RHBDD1: variants seen among roughly 807,000 people sequenced by gnomAD.
The protein encoded by RHBDD1 is rhomboid domain containing 1, also known as rhomboid-related protein 4.
RHBDD1 carries 38 observed loss-of-function variants against 36.3 expected under a neutral mutation model. That is an observed-to-expected ratio of 1.05 (90% CI 0.81 to 1.37). The LOEUF is 1.37. RHBDD1 is among the 40% of genes most tolerant of loss of function. RHBDD1 has a pLI of 0.00. For missense variants in RHBDD1, 393 were observed against 377.6 expected (o/e 1.04, Z -0.34); for synonymous variants, 151 against 136.5 (o/e 1.11, Z -0.74).
chr2:226,914,305 A>G lies in RHBDD1; in HGVS notation c.810A>G (p.Glu270=). Residue 270 remains glutamate (E), a synonymous_variant, in exon 8 of 9, where the codon GAA becomes GAG. Transcript: ENST00000392062. ...NYDTYTAGLS[E]EEQLERALQA... is the part of the protein sequence containing the mutation. The stretch of plus-strand genomic sequence containing the variant: ...ACACGTACACAGCAGGACTGAGTGA[A>G]GAAGAACAGCTCGAGAGAGCATTAC... 2 of 1,613,772 alleles carry G rather than the reference A, an allele frequency of 1.2e-6. No individual in the cohort carries two copies. Among genetic ancestry groups the G allele is most frequent in the Non-Finnish European group, 1.7e-6 (2 of 1,179,798 alleles).
chr2:226,908,620 C>CACACACACAT (rs1948255935), intron 6 of RHBDD1: 1 of 560,310 alleles, frequency 1.8e-6, no homozygotes, highest in African/African-American at 2.1e-5. Flanking sequence ...CACACACACA[C>CACACACACAT]ATTCTTTTCC....
chr2:226,823,807 G>A, the RHBDD1 span, among the ~76,000 whole-genome samples: 1 of 152,170 alleles, frequency 6.6e-6, no homozygotes, highest in South Asian at 2.1e-4. Flanking sequence ...TAAATCTTCT[G>A]ATGGCCTTCG....
At chr2:226,991,196 T>G (rs1958111900) in intron 8 of RHBDD1, among the ~76,000 whole-genome samples, 1 of 152,204 alleles carries the variant, frequency 6.6e-6, no homozygotes, top group African/African-American at 2.4e-5. Flanking sequence ...TATATCTCTT[T>G]TTTGAGACAG....
At chr2:226,907,153 A>AAAACCACG (rs1667268839) in intron 6 of RHBDD1, 3 of 513,412 alleles carry the variant, frequency 5.8e-6, no homozygotes, top group Middle Eastern at 2.9e-4. Context: ...CTACCCGCAG[A>AAAACCACG]AAACCACGAT....
intron 5 of RHBDD1, among the ~76,000 whole-genome samples, chr2:226,874,038 G>A (rs1481678343): frequency 6.6e-6 from 1 of 152,058 alleles, no homozygotes; most frequent in Non-Finnish European, 1.5e-5. Context: ...GAGAGCACAG[G>A]GGAAGTACCA....
the RHBDD1 span, among the ~76,000 whole-genome samples, chr2:226,801,345 A>AG: frequency 6.6e-6 from 1 of 152,146 alleles, no homozygotes; most frequent in African/African-American, 2.4e-5. Flanking sequence ...AGAAGGGTTG[A>AG]GGGTACCAAG....
chr2:226,897,352 T>G (rs1185082996), intron 5 of RHBDD1, among the ~76,000 whole-genome samples: 1 of 152,128 alleles, frequency 6.6e-6, no homozygotes, highest in Non-Finnish European at 1.5e-5. Context: ...ATCTGTCTCC[T>G]CCACTCTAGA....
chr2:226,901,398 C>T (rs905473837), intron 5 of RHBDD1, among the ~76,000 whole-genome samples: 2 of 152,232 alleles, frequency 1.3e-5, no homozygotes, highest in East Asian at 1.9e-4. Flanking sequence ...GGTATATATG[C>T]AGAAGTAGAA....
chr2:226,905,633 T>G (rs1947993530), intron 5 of RHBDD1, among the ~76,000 whole-genome samples: 1 of 152,234 alleles, frequency 6.6e-6, no homozygotes, highest in African/African-American at 2.4e-5. Flanking sequence ...GTGTGTGGGA[T>G]GCACTGGAGA....
rs183530605 is a variant in RHBDD1 at position 226,960,648 on chromosome 2, A to C, written c.857-34783A>C. On this transcript the variant is annotated intron_variant, in intron 8 of 8. Transcript: ENST00000392062. ...AGGGGTTATCAACTTATTTTATTAG[A>C]TGTCTAATTCTGTAAATGAATATAT... 3.4e-3 allele frequency among the ~76,000 whole-genome samples: 516 copies of C among 152,318 alleles called. 2 individuals carry two copies. Among genetic ancestry groups the C allele is most frequent in the Middle Eastern group, 0.031 (9 of 294 alleles).
intron 5 of RHBDD1, among the ~76,000 whole-genome samples, chr2:226,876,020 A>T (rs1209424465): frequency 6.6e-6 from 1 of 152,210 alleles, no homozygotes; most frequent in Non-Finnish European, 1.5e-5. Flanking sequence ...TAGCACTGGC[A>T]TGCAGCAATG....
chr2:226,829,716 CTTA>C, the RHBDD1 span, among the ~76,000 whole-genome samples: 1 of 151,868 alleles, frequency 6.6e-6, no homozygotes, highest in Non-Finnish European at 1.5e-5. Context: ...CTGTGCTAAA[CTTA>C]TTAATTTTAG....
At chr2:226,959,711 A>G (rs1952038986) in intron 8 of RHBDD1, among the ~76,000 whole-genome samples, 1 of 152,240 alleles carries the variant, frequency 6.6e-6, no homozygotes, top group South Asian at 2.1e-4. Flanking sequence ...AGCTATGAAC[A>G]TTCATTTACA....
chr2:226,997,335 A>G lies in RHBDD1; in HGVS notation c.*1813A>G, dbSNP rs999680601. On this transcript the variant is annotated 3_prime_UTR_variant, in exon 9 of 9. Coordinates refer to ENST00000392062, the MANE Select transcript of RHBDD1 (RefSeq NM_001167608.3). ...GACTCCCGTTACCCCAATTAGAAGTAACTTCTTTGTTTCATGCCACTTTTA... is the reference window on the plus strand; with the variant it reads ...GACTCCCGTTACCCCAATTAGAAGTGACTTCTTTGTTTCATGCCACTTTTA... 5 of 152,214 alleles carry G rather than the reference A, an allele frequency of 3.3e-5. No homozygotes were observed. The highest frequency in any genetic ancestry group is 1.2e-4 in the African/African-American group (5 of 41,450). 9.4% of individuals were successfully genotyped at this position (152,214 alleles called of 1,614,324 possible).
intron 5 of RHBDD1, among the ~76,000 whole-genome samples, chr2:226,886,693 CAAT>C (rs939271561): frequency 3.3e-5 from 5 of 152,052 alleles, no homozygotes; most frequent in Non-Finnish European, 5.9e-5. Context: ...AAAGGCAAAA[CAAT>C]AGTCATAATC....
the RHBDD1 span, among the ~76,000 whole-genome samples, chr2:226,817,260 T>A: frequency 1.3e-5 from 2 of 152,238 alleles, no homozygotes; most frequent in Non-Finnish European, 2.9e-5. Context: ...AAATAACTTT[T>A]CTGAGAGCTA....
chr2:226,846,358 C>T (rs934035718), intron 3 of RHBDD1, among the ~76,000 whole-genome samples: 2 of 152,144 alleles, frequency 1.3e-5, no homozygotes, highest in African/African-American at 4.8e-5. Context: ...TTTATCCCCT[C>T]TAATTCTGAT....
intron 5 of RHBDD1, among the ~76,000 whole-genome samples, chr2:226,890,997 A>G (rs758885859): frequency 7.9e-5 from 12 of 151,890 alleles, no homozygotes; most frequent in Non-Finnish European, 1.6e-4. Flanking sequence ...CTCACTAACC[A>G]CCCACCCCCA....
the RHBDD1 span, among the ~76,000 whole-genome samples, chr2:226,801,703 ACTCACAGTG>A: frequency 6.6e-6 from 1 of 152,194 alleles, no homozygotes; most frequent in Non-Finnish European, 1.5e-5. Flanking sequence ...GCGAGGCGGC[ACTCACAGTG>A]ACCGAAATTC....
Sources: allele counts gnomAD v4.1 joint callset (sites outside exome capture counted in the v4.1 genomes callset), GRCh38; gene constraint gnomAD v4.1.1; transcripts MANE v1.5; gene names NCBI Gene and HGNC (gene_info 2026-07-23, HGNC 2026-07-21).